The following CWC22 variants were observed in gnomAD, a reference collection of about 807,000 sequenced individuals.
CWC22 encodes pre-mRNA-splicing factor CWC22 homolog.
A neutral mutation model predicts 117.2 loss-of-function variants in CWC22; 53 were observed. The ratio of observed to expected loss-of-function variants is 0.45; its 90% CI spans 0.36 to 0.57. CWC22 has a LOEUF of 0.57. CWC22 is among the 20% of genes least tolerant of loss of function. The probability of loss-of-function intolerance (pLI) is 0.00; values close to 1 mark genes in which losing one functional copy is unlikely to be tolerated. For synonymous variants in CWC22, 360 were observed against 355.6 expected (o/e 1.01, Z -0.14); for missense variants, 980 against 1,068.8 (o/e 0.92, Z 1.16).
intron 19 of CWC22, among the ~76,000 whole-genome samples, chr2:179,946,482 A>AGG (rs1686306320): frequency 1.7e-5 from 1 of 59,534 alleles, no homozygotes; most frequent in Non-Finnish European, 3.4e-5. Context: ...GGGGAAGGGG[A>AGG]GGGGAGGGAG....
chr2:179,992,588 T>C (rs1395844293), intron 2 of CWC22, among the ~76,000 whole-genome samples: 1 of 152,196 alleles, frequency 6.6e-6, no homozygotes, highest in East Asian at 1.9e-4. Context: ...TACTTAACAT[T>C]CTAACATACT....
rs1039912007 is a variant in CWC22 at position 179,968,606 on chromosome 2, C to T, written c.1210+1895G>A. On this transcript the variant is annotated intron_variant, in intron 11 of 19. Transcript: ENST00000410053. ...TTTTTGAGACGGAGTCTCGCTCTGT[C>T]GCCCAGGCTGGAGTGCAGTGGCGTG... is the stretch of plus-strand genomic sequence containing the variant. 3.0e-4 allele frequency among the ~76,000 whole-genome samples: 46 copies of T among 151,110 alleles called. No homozygotes were observed. The South Asian group carries it at 5.2e-3, about 17-fold the overall frequency.
In CWC22 at chr2:179,944,883, T is replaced by C. The variant is rs1479024790; in HGVS notation, c.*246A>G. The C allele has an allele frequency of 5.9e-6, 2 of 336,270 alleles. No individual in the cohort carries two copies. The highest frequency in any genetic ancestry group is 1.1e-5 in the Non-Finnish European group (2 of 188,768). The allele number at this position is 336,270 out of a possible 1,614,324, so 20.8% of individuals were successfully genotyped here. A position where few individuals can be genotyped will look rare whatever the true frequency, so the allele number is the denominator to read the frequency against. ...AAAACATCACTGAATCAATGAGCTT[T>C]TGATCATTTTATTCACAAAATATAA... On this transcript the variant is annotated 3_prime_UTR_variant, in exon 20 of 20. Transcript: ENST00000410053.
At chr2:180,004,149 T>C (rs1490902011) in intron 1 of CWC22, among the ~76,000 whole-genome samples, 1 of 152,214 alleles carries the variant, frequency 6.6e-6, no homozygotes, top group Non-Finnish European at 1.5e-5. Flanking sequence ...CACTTCTTTC[T>C]CGGACTAGCT....
intron 14 of CWC22, among the ~76,000 whole-genome samples, chr2:179,957,533 A>G (rs1459038775): frequency 2.0e-5 from 3 of 152,154 alleles, no homozygotes; most frequent in Admixed American, 2.0e-4. Context: ...TTCCAATAAC[A>G]CTTTATTCAT....
intron 9 of CWC22, 24 bp from the exon 10 acceptor site, chr2:179,970,880 A>C: frequency 6.2e-7 from 1 of 1,608,776 alleles, no homozygotes; most frequent in South Asian, 1.1e-5. Context: ...GAAAGAAAAG[A>C]CAATAAAATA....
At chr2:179,997,691 G>A (rs918696412) in intron 1 of CWC22, among the ~76,000 whole-genome samples, 2 of 151,912 alleles carry the variant, frequency 1.3e-5, no homozygotes, top group African/African-American at 2.4e-5. Context: ...TTATTTATAC[G>A]TACATTTGTT....
chr2:179,980,416 C>CTTTTTTTTTTTTT (rs748844659), intron 5 of CWC22, among the ~76,000 whole-genome samples: 1 of 115,110 alleles, frequency 8.7e-6, no homozygotes, highest in Admixed American at 1.1e-4. Flanking sequence ...AATGACATTT[C>CTTTTTTTTTTTTT]TTATTTTTTT....
At chr2:179,992,691 A>G (rs1023595706) in intron 2 of CWC22, among the ~76,000 whole-genome samples, 3 of 152,226 alleles carry the variant, frequency 2.0e-5, no homozygotes, top group African/African-American at 4.8e-5. Flanking sequence ...TTTATTCACT[A>G]TTTTGTTCAA....
chr2:179,972,668 T>G (rs1030676643), intron 8 of CWC22, among the ~76,000 whole-genome samples: 3 of 152,194 alleles, frequency 2.0e-5, no homozygotes, highest in Non-Finnish European at 2.9e-5. Flanking sequence ...ATTAATTTGA[T>G]AAATATCTAA....
intron 17 of CWC22, 46 bp from the exon 18 acceptor site, chr2:179,950,972 TA>T: frequency 8.6e-7 from 1 of 1,167,596 alleles, no homozygotes; most frequent in Admixed American, 2.3e-5. Flanking sequence ...TGCTTAAAGA[TA>T]AAAAGGTAAA....
At chr2:179,973,563 T>G (rs1687082839) in intron 7 of CWC22, 71 bp downstream of exon 7, 2 of 993,838 alleles carry the variant, frequency 2.0e-6, no homozygotes, top group South Asian at 3.5e-5. Context: ...TCAACCTTGC[T>G]TACTTTTGTT....
intron 13 of CWC22, among the ~76,000 whole-genome samples, chr2:179,961,030 T>C (rs1686735834): frequency 6.6e-6 from 1 of 152,022 alleles, no homozygotes; most frequent in African/African-American, 2.4e-5. Context: ...ACATTAGTGC[T>C]TAATCACTAC....
intron 19 of CWC22, among the ~76,000 whole-genome samples, chr2:179,950,087 C>G (rs1350144772): frequency 6.6e-6 from 1 of 151,972 alleles, no homozygotes; most frequent in Non-Finnish European, 1.5e-5. Flanking sequence ...GGATGTGTTC[C>G]CTTTATAAAA....
chr2:179,950,769 A>G, intron 18 of CWC22, 37 bp from the exon 19 acceptor site: 1 of 1,604,250 alleles, frequency 6.2e-7, no homozygotes, highest in Non-Finnish European at 8.5e-7. Context: ...TCTATTTCAA[A>G]GACAATTATG....
intron 9 of CWC22, 32 bp from the exon 10 acceptor site, chr2:179,970,888 A>C (rs1188597289): frequency 2.5e-6 from 4 of 1,608,690 alleles, no homozygotes; most frequent in Non-Finnish European, 3.4e-6. Context: ...AGACAATAAA[A>C]TAAGCAATAA....
intron 6 of CWC22, among the ~76,000 whole-genome samples, chr2:179,976,317 A>C (rs1041047963): frequency 6.6e-6 from 1 of 152,210 alleles, no homozygotes; most frequent in African/African-American, 2.4e-5. Flanking sequence ...TTCTAAAAGA[A>C]AAATACAAAG....
chr2:179,947,214 A>G (rs991045749), intron 19 of CWC22, among the ~76,000 whole-genome samples: 28 of 152,140 alleles, frequency 1.8e-4, no homozygotes, highest in African/African-American at 6.5e-4. Flanking sequence ...CGCTAAATGC[A>G]TATCTTTGGC....
At chr2:179,988,763 A>T (rs1687484577) in intron 2 of CWC22, 119 bp from the exon 3 acceptor site, 1 of 553,786 alleles carries the variant, frequency 1.8e-6, no homozygotes. Flanking sequence ...CATTTTTTAA[A>T]TCATTAAGAA....
Sources: allele counts gnomAD v4.1 joint callset (sites outside exome capture counted in the v4.1 genomes callset), GRCh38; gene constraint gnomAD v4.1.1; transcripts MANE v1.5; gene names NCBI Gene and HGNC (gene_info 2026-07-23, HGNC 2026-07-21).